The following CSMD1 variants were observed in gnomAD, a reference collection of about 807,000 sequenced individuals.
CSMD1 encodes the protein CUB and Sushi multiple domains 1.
In CSMD1, 213 loss-of-function variants were observed where a neutral mutation model predicts 417.5. The ratio of observed to expected loss-of-function variants is 0.51; its 90% CI spans 0.46 to 0.57. The LOEUF is 0.57. Among genes scored for constraint, CSMD1 ranks in the 20% least tolerant of loss-of-function variants. CSMD1 has a pLI of 0.00. For synonymous variants in CSMD1, 2,862 were observed against 1,736.8 expected, an observed-to-expected ratio of 1.65 and a Z score of -16.11; for missense variants, 6,923 against 4,529.7, an observed-to-expected ratio of 1.53 and a Z score of -15.17.
chr8:4,258,042 G>C (rs1167783548), intron 3 of CSMD1, among the ~76,000 whole-genome samples: 1 of 151,696 alleles, frequency 6.6e-6, no homozygotes, highest in Non-Finnish European at 1.5e-5. Flanking sequence ...GTGGAAGGGG[G>C]AAGCAATCCT....
At chr8:3,956,160 T>G (rs1480364406) in intron 5 of CSMD1, among the ~76,000 whole-genome samples, 1 of 149,662 alleles carries the variant, frequency 6.7e-6, no homozygotes, top group Non-Finnish European at 1.5e-5. Flanking sequence ...TAATCTTAGA[T>G]GCAAAAAGGT....
intron 2 of CSMD1, among the ~76,000 whole-genome samples, chr8:4,425,447 T>G (rs543568790): frequency 6.6e-6 from 1 of 151,888 alleles, no homozygotes; most frequent in South Asian, 2.1e-4. Context: ...GTGGATCCAA[T>G]TGATCATAAA....
chr8:3,345,301 A>C (rs1807916237), intron 22 of CSMD1, among the ~76,000 whole-genome samples: 2 of 152,132 alleles, frequency 1.3e-5, no homozygotes, highest in African/African-American at 4.8e-5. Flanking sequence ...CTAAAAATGA[A>C]CAGCTCAAAA....
intron 3 of CSMD1, among the ~76,000 whole-genome samples, chr8:4,187,560 C>T (rs1357916552): frequency 6.6e-6 from 1 of 151,112 alleles, no homozygotes; most frequent in African/African-American, 2.4e-5. Context: ...AGGAGAATCG[C>T]CTGAACCCAG....
intron 3 of CSMD1, among the ~76,000 whole-genome samples, chr8:4,057,607 C>A (rs1268671131): frequency 6.6e-6 from 1 of 151,444 alleles, no homozygotes; most frequent in Non-Finnish European, 1.5e-5. Context: ...AAGTCCTTGC[C>A]CATGCCTATG....
At chr8:4,514,986 A>G (rs1803037843) in intron 2 of CSMD1, among the ~76,000 whole-genome samples, 1 of 152,200 alleles carries the variant, frequency 6.6e-6, no homozygotes, top group Admixed American at 6.5e-5. Flanking sequence ...AGTGGAAATG[A>G]TTTACATTTT....
intron 1 of CSMD1, among the ~76,000 whole-genome samples, chr8:4,980,330 G>A (rs1015696979): frequency 2.0e-5 from 3 of 152,166 alleles, no homozygotes; most frequent in African/African-American, 7.2e-5. Context: ...ATTACATTAG[G>A]AGAGAATCAG....
intron 3 of CSMD1, among the ~76,000 whole-genome samples, chr8:4,343,445 G>C (rs1158264045): frequency 2.0e-5 from 3 of 152,102 alleles, no homozygotes; most frequent in African/African-American, 4.8e-5. Flanking sequence ...GTCACTATGT[G>C]TGGTGATGAA....
intron 3 of CSMD1, among the ~76,000 whole-genome samples, chr8:4,194,163 T>C (rs1222678685): frequency 2.0e-5 from 3 of 152,192 alleles, no homozygotes; most frequent in African/African-American, 7.2e-5. Flanking sequence ...AATTAAAATA[T>C]TGCCCTATCA....
At chr8:3,237,628 T>C (rs1030688912) in intron 26 of CSMD1, among the ~76,000 whole-genome samples, 1 of 139,324 alleles carries the variant, frequency 7.2e-6, no homozygotes, top group Non-Finnish European at 1.6e-5. Flanking sequence ...AAATATATTT[T>C]TTATACTTAT....
intron 3 of CSMD1, among the ~76,000 whole-genome samples, chr8:4,055,439 G>A (rs1386725166): frequency 6.6e-6 from 1 of 151,610 alleles, no homozygotes; most frequent in Non-Finnish European, 1.5e-5. Context: ...AATCAGATCA[G>A]CATTTTGAAG....
chr8:3,457,346 A>T (rs1816217820), intron 12 of CSMD1, among the ~76,000 whole-genome samples: 1 of 152,154 alleles, frequency 6.6e-6, no homozygotes, highest in Non-Finnish European at 1.5e-5. Flanking sequence ...CAAAGTCTGA[A>T]GCTGCCTAAC....
intron 9 of CSMD1, among the ~76,000 whole-genome samples, chr8:3,577,738 G>C: frequency 6.6e-6 from 1 of 152,142 alleles, no homozygotes; most frequent in East Asian, 1.9e-4. Flanking sequence ...CTCAATGTTT[G>C]CCTTTCTAAA....
chr8:4,805,097 A>G (rs1798514219), intron 1 of CSMD1, among the ~76,000 whole-genome samples: 2 of 152,348 alleles, frequency 1.3e-5, no homozygotes, highest in South Asian at 4.1e-4. Flanking sequence ...AACTGATAAT[A>G]TAATACTGGC....
At chr8:2,939,303 A>C (rs1382577170) in intron 69 of CSMD1, among the ~76,000 whole-genome samples, 1 of 152,238 alleles carries the variant, frequency 6.6e-6, no homozygotes, top group Non-Finnish European at 1.5e-5. Context: ...GCTTACACTA[A>C]ATTTCAAGTT....
intron 18 of CSMD1, among the ~76,000 whole-genome samples, chr8:3,374,836 C>A (rs74850893): frequency 0.016 from 2,399 of 152,272 alleles, 63 homozygotes; most frequent in African/African-American, 0.054. Context: ...CCACCCGCAC[C>A]ACCCCATCAC....
chr8:4,077,859 T>C (rs532495402), intron 3 of CSMD1, among the ~76,000 whole-genome samples: 1 of 152,152 alleles, frequency 6.6e-6, no homozygotes, highest in African/African-American at 2.4e-5. Flanking sequence ...ATATGCCTCC[T>C]TCCTTTCTCT....
chr8:4,342,704 G>A (rs541143245), intron 3 of CSMD1, among the ~76,000 whole-genome samples: 1 of 152,066 alleles, frequency 6.6e-6, no homozygotes. Flanking sequence ...ATGATTCCCA[G>A]GAGGTTAGCA....
At chr8:4,510,656 C>T (rs1168665313) in intron 2 of CSMD1, among the ~76,000 whole-genome samples, 3 of 145,594 alleles carry the variant, frequency 2.1e-5, no homozygotes, top group African/African-American at 7.7e-5. Flanking sequence ...TCCTCTCTTC[C>T]TTCCGTCTTC....
Sources: gnomAD v4.1 joint callset for allele counts (sites outside exome capture counted in the v4.1 genomes callset) on GRCh38, gnomAD v4.1.1 for gene constraint, MANE v1.5 for transcripts, NCBI Gene and HGNC (gene_info 2026-07-23, HGNC 2026-07-21) for gene names.